YAP1: variants seen among roughly 807,000 people sequenced by gnomAD.
YAP1 encodes the protein Yes1 associated transcriptional regulator.
Under a neutral mutation model 56.9 loss-of-function variants are expected in YAP1, and 5 were observed. That is an observed-to-expected ratio of 0.09 (90% CI 0.05 to 0.18). YAP1 has a LOEUF of 0.18. Ranked by LOEUF, YAP1 falls within the 10% of genes least tolerant of loss-of-function variation. The probability of loss-of-function intolerance (pLI) is 1.00; values close to 1 mark genes in which losing one functional copy is unlikely to be tolerated. For synonymous variants in YAP1, 265 were observed against 248.1 expected, an observed-to-expected ratio of 1.07 and a Z score of -0.64; for missense variants, 539 against 651.8, an observed-to-expected ratio of 0.83 and a Z score of 1.88.
intron 5 of YAP1, among the ~76,000 whole-genome samples, chr11:102,207,484 G>C (rs1413948317): frequency 6.6e-6 from 1 of 151,590 alleles, no homozygotes; most frequent in African/African-American, 2.4e-5. Flanking sequence ...TTGAGCCCAG[G>C]AGTTCGAAAC....
chr11:102,128,400 T>G (rs2135212051), intron 2 of YAP1, among the ~76,000 whole-genome samples: 1 of 152,318 alleles, frequency 6.6e-6, no homozygotes, highest in East Asian at 1.9e-4. Context: ...CGCTTTTGCT[T>G]CTTCCTCATT....
chr11:102,147,688 TA>T (rs1945403500), intron 2 of YAP1, among the ~76,000 whole-genome samples: 1 of 152,198 alleles, frequency 6.6e-6, no homozygotes, highest in Admixed American at 6.5e-5. Context: ...ATATTATTTT[TA>T]TTTTTGGGGT....
chr11:102,117,035 C>T (rs1943328081), intron 2 of YAP1, among the ~76,000 whole-genome samples: 2 of 152,158 alleles, frequency 1.3e-5, no homozygotes, highest in Admixed American at 1.3e-4. Context: ...ATTTCACCTT[C>T]TCCAGTTAGC....
intron 4 of YAP1, among the ~76,000 whole-genome samples, chr11:102,197,420 A>T (rs1232673128): frequency 6.6e-6 from 1 of 152,224 alleles, no homozygotes; most frequent in Non-Finnish European, 1.5e-5. Context: ...TTATAATCCA[A>T]GTTTTGAGGT....
chr11:102,129,625 A>G (rs1305926208), intron 2 of YAP1, among the ~76,000 whole-genome samples: 2 of 151,352 alleles, frequency 1.3e-5, no homozygotes, highest in Non-Finnish European at 2.9e-5. Flanking sequence ...CTCCAAAAAA[A>G]AAAAAAAAAA....
intron 4 of YAP1, among the ~76,000 whole-genome samples, chr11:102,193,863 G>C (rs546343127): frequency 6.6e-6 from 1 of 151,036 alleles, no homozygotes. Context: ...TTTTGAGACG[G>C]AGTCTCGCTC....
At chr11:102,125,273 T>C (rs772988943) in intron 2 of YAP1, among the ~76,000 whole-genome samples, 9 of 151,580 alleles carry the variant, frequency 5.9e-5, no homozygotes, top group Non-Finnish European at 1.0e-4. Flanking sequence ...CCACCCACCT[T>C]GGCCTCCCAA....
At chr11:102,135,713 A>C (rs1363580474) in intron 2 of YAP1, among the ~76,000 whole-genome samples, 1 of 152,148 alleles carries the variant, frequency 6.6e-6, no homozygotes, top group Non-Finnish European at 1.5e-5. Flanking sequence ...ATTAGACTTC[A>C]TTTTTCAATG....
At chr11:102,211,850 C>T (rs1034767036) in intron 6 of YAP1, among the ~76,000 whole-genome samples, 2 of 152,026 alleles carry the variant, frequency 1.3e-5, no homozygotes, top group Non-Finnish European at 2.9e-5. Flanking sequence ...ATTACAGGTG[C>T]CTGCCACTAC....
At chr11:102,218,198 C>T (rs139627619) in intron 6 of YAP1, among the ~76,000 whole-genome samples, 3 of 152,288 alleles carry the variant, frequency 2.0e-5, no homozygotes, top group African/African-American at 7.2e-5. Context: ...GTATGCTATC[C>T]ATAATCTGCA....
intron 3 of YAP1, among the ~76,000 whole-genome samples, chr11:102,175,399 CA>C (rs892826373): frequency 6.6e-6 from 1 of 150,648 alleles, no homozygotes; most frequent in East Asian, 1.9e-4. Flanking sequence ...GACCTCGTCT[CA>C]AAAAAAAACT....
At chr11:102,129,108 G>A (rs572917470) in intron 2 of YAP1, among the ~76,000 whole-genome samples, 2 of 152,268 alleles carry the variant, frequency 1.3e-5, no homozygotes, top group African/African-American at 4.8e-5. Flanking sequence ...TACTGCATAA[G>A]TTAACCCTGA....
At chr11:102,172,328 T>G (rs1946954165) in intron 3 of YAP1, among the ~76,000 whole-genome samples, 1 of 139,728 alleles carries the variant, frequency 7.2e-6, no homozygotes, top group African/African-American at 2.9e-5. Context: ...TTTTTTTTTT[T>G]GGACACAGGG....
intron 6 of YAP1, among the ~76,000 whole-genome samples, chr11:102,213,595 C>T (rs904625693): frequency 6.6e-6 from 1 of 152,204 alleles, no homozygotes; most frequent in African/African-American, 2.4e-5. Context: ...AGCCTTTTCA[C>T]TCACTGGTTC....
chr11:102,112,782 T>G, intron 1 of YAP1: 2 of 985,228 alleles, frequency 2.0e-6, no homozygotes, highest in Non-Finnish European at 2.4e-6. Context: ...AGTGGGTTTA[T>G]GGACTCATTG....
At chr11:102,117,093 T>G (rs560933812) in intron 2 of YAP1, among the ~76,000 whole-genome samples, 1 of 152,338 alleles carries the variant, frequency 6.6e-6, no homozygotes, top group South Asian at 2.1e-4. Flanking sequence ...CTTCTTTTTG[T>G]GTACTGAACA....
intron 4 of YAP1, among the ~76,000 whole-genome samples, chr11:102,201,161 A>T (rs181406818): frequency 6.6e-6 from 1 of 152,342 alleles, no homozygotes; most frequent in Non-Finnish European, 1.5e-5. Context: ...ATGAAAACCT[A>T]ATAGGAAATT....
chr11:102,200,124 A>G (rs1193006629), intron 4 of YAP1, among the ~76,000 whole-genome samples: 1 of 152,264 alleles, frequency 6.6e-6, no homozygotes, highest in Non-Finnish European at 1.5e-5. Context: ...TTTACATAGT[A>G]TAAACATAAA....
At chr11:102,220,798 G>C (rs1949890203) in intron 6 of YAP1, among the ~76,000 whole-genome samples, 1 of 152,222 alleles carries the variant, frequency 6.6e-6, no homozygotes. Flanking sequence ...GGGTATGACT[G>C]AGGGAATTAA....
Sources: gnomAD v4.1 joint callset for allele counts (sites outside exome capture counted in the v4.1 genomes callset) on GRCh38, gnomAD v4.1.1 for gene constraint, MANE v1.5 for transcripts, NCBI Gene and HGNC (gene_info 2026-07-23, HGNC 2026-07-21) for gene names.